The following DDX31 variants were observed in gnomAD, a reference collection of about 807,000 sequenced individuals.
DDX31 encodes DEAD-box helicase 31, also known as ATP-dependent DNA helicase DDX31.
Under a neutral mutation model 91.3 loss-of-function variants are expected in DDX31, and 70 were observed. The ratio of observed to expected loss-of-function variants is 0.77; its 90% CI spans 0.63 to 0.94. The LOEUF (loss-of-function observed/expected upper bound fraction) is 0.94, where lower values mean the gene tolerates loss of function less well. DDX31 is among the 40% of genes least tolerant of loss of function. DDX31 has a pLI of 0.00. For missense variants in DDX31, 902 were observed against 925.0 expected (o/e 0.98, Z 0.32); for synonymous variants, 362 against 350.6 (o/e 1.03, Z -0.36).
intron 17 of DDX31, among the ~76,000 whole-genome samples, chr9:132,623,360 A>T (rs1430315026): frequency 6.6e-6 from 1 of 151,780 alleles, no homozygotes; most frequent in East Asian, 2.0e-4. Context: ...GATTGAGACC[A>T]TCCTGGCCAA....
At position 132,618,448 on chromosome 9, in the gene DDX31, G is replaced by A. The variant is rs1366190808; in HGVS notation, c.1714-7C>T. The A allele has an allele frequency of 1.2e-6, 2 of 1,606,906 alleles. No homozygotes were observed. Among genetic ancestry groups the A allele is most frequent in the Non-Finnish European group, 1.7e-6 (2 of 1,176,482 alleles). On this transcript the variant is annotated splice_polypyrimidine_tract_variant and splice_region_variant and intron_variant, in intron 17 of 19. Transcript: ENST00000372159. ...GGCCAACAGCATGGGATTTCTGAGA[G>A]GGCGACGGAAGGATTAAAGGAGAGA...
At chr9:132,640,157 T>C (rs306534) in intron 14 of DDX31, among the ~76,000 whole-genome samples, 71,565 of 152,070 alleles carry the variant, frequency 0.47, 17,549 homozygotes, top group African/African-American at 0.59. Context: ...GCAGACCAGG[T>C]GGGATGATCA....
chr9:132,649,850 G>A (rs2130785052), intron 9 of DDX31, among the ~76,000 whole-genome samples: 1 of 152,320 alleles, frequency 6.6e-6, no homozygotes, highest in South Asian at 2.1e-4. Flanking sequence ...AAGTTACAAA[G>A]CATTATATAA....
chr9:132,637,989 T>C (rs907580749), intron 14 of DDX31: 35 of 1,046,426 alleles, frequency 3.3e-5, no homozygotes, highest in Middle Eastern at 4.4e-4. Context: ...AATTAAGAAC[T>C]GCACAGACAG....
intron 19 of DDX31, among the ~76,000 whole-genome samples, chr9:132,597,791 A>G (rs985267622): frequency 1.3e-5 from 2 of 152,152 alleles, no homozygotes; most frequent in African/African-American, 4.8e-5. Flanking sequence ...CCACTTCTAC[A>G]GCTCCTCCAG....
chr9:132,660,959 C>T lies in DDX31; in HGVS notation c.452+249G>A, dbSNP rs532165108. 2.0e-4 allele frequency: 97 copies of T among 490,622 alleles called. 1 individual carries two copies. The highest frequency in any genetic ancestry group is 1.7e-3 in the South Asian group (58 of 33,938). 30.4% of individuals were successfully genotyped at this position (490,622 alleles called of 1,614,324 possible). A position where few individuals can be genotyped will look rare whatever the true frequency, so the allele number is the denominator to read the frequency against. On this transcript the variant is annotated intron_variant, in intron 4 of 19. Transcript: ENST00000372159. ...AGCACAGAAAACAGCGGCGCTCATG[C>T]AGCCCACCTTCTGGATGAGACGTCT...
At chr9:132,604,454 T>C (rs534082608) in intron 19 of DDX31, among the ~76,000 whole-genome samples, 153 of 152,302 alleles carry the variant, frequency 1.0e-3, no homozygotes, top group African/African-American at 3.6e-3. Context: ...GCCCAGGTTC[T>C]ACATAAAAAA....
chr9:132,610,448 G>A (rs1831259918), intron 19 of DDX31, among the ~76,000 whole-genome samples: 2 of 152,146 alleles, frequency 1.3e-5, no homozygotes, highest in African/African-American at 4.8e-5. Flanking sequence ...AAAGAATCAA[G>A]CATCTTAAAA....
At chr9:132,625,521 G>T in intron 17 of DDX31, 143 bp downstream of exon 17, 2 of 665,076 alleles carry the variant, frequency 3.0e-6, no homozygotes, top group South Asian at 1.8e-5. Flanking sequence ...AAACAATCAA[G>T]ATTTGGCCTC....
intron 14 of DDX31, chr9:132,637,714 G>C: frequency 3.6e-6 from 2 of 548,706 alleles, no homozygotes; most frequent in Non-Finnish European, 4.6e-6. Flanking sequence ...TGTCAGAGGC[G>C]AGAGATCTTG....
chr9:132,618,465 A>C lies in DDX31; in HGVS notation c.1714-24T>G. On this transcript the variant is annotated intron_variant, in intron 17 of 19. Coordinates refer to ENST00000372159, the MANE Select transcript of DDX31 (RefSeq NM_022779.9). ...TTCTGAGAGGGCGACGGAAGGATTA[A>C]AGGAGAGATAGAGTCAAGGTCAGGA... The C allele has an allele frequency of 1.9e-6, 3 of 1,593,878 alleles. No homozygotes were observed. In the South Asian group the frequency reaches 3.4e-5, roughly 18 times the overall value.
chr9:132,618,602 A>G (rs966580263), intron 17 of DDX31, among the ~76,000 whole-genome samples, 161 bp from the exon 18 acceptor site: 2 of 152,188 alleles, frequency 1.3e-5, no homozygotes, highest in Non-Finnish European at 2.9e-5. Flanking sequence ...AGCTATAGAG[A>G]TGTCAAAGTC....
intron 1 of DDX31, 99 bp downstream of exon 1, chr9:132,669,760 GA>G (rs1835606393): frequency 1.3e-6 from 2 of 1,523,314 alleles, no homozygotes; most frequent in East Asian, 4.9e-5. Flanking sequence ...TTAACTCCGT[GA>G]ATGACTCGAA....
chr9:132,629,539 C>T (rs1437361920), intron 16 of DDX31, among the ~76,000 whole-genome samples: 1 of 152,194 alleles, frequency 6.6e-6, no homozygotes, highest in Non-Finnish European at 1.5e-5. Flanking sequence ...AGGCTGCCTG[C>T]TAGGATGTTT....
chr9:132,634,528 TGAATAGCATTTTCTAATAAACA>T (rs1227520991), intron 14 of DDX31, among the ~76,000 whole-genome samples: 1 of 150,844 alleles, frequency 6.6e-6, no homozygotes, highest in Non-Finnish European at 1.5e-5. Flanking sequence ...AATTTAATGC[TGAATAGCATTTTCTAATAAACA>T]GTCCATATTC....
At position 132,652,447 on chromosome 9, in the gene DDX31, CCT is replaced by C. The variant is rs766848823; in HGVS notation, c.632_633del (p.Glu211AlafsTer7). The C allele has an allele frequency of 1.3e-5, 21 of 1,614,012 alleles. No individual in the cohort carries two copies. The highest frequency in any genetic ancestry group is 1.7e-5 in the Admixed American group (1 of 60,004). On this transcript the variant is annotated frameshift_variant and splice_region_variant, in exon 7 of 20. Transcript: ENST00000372159. LOFTEE classifies it high-confidence loss of function. ...CTTGTCCCAAAAGGGAGCCTGCTTA[CCT>C]CTCTCGTTGGCACGAGCACCAGGGC... Reference protein sequence around the residue: ...PYALVLVPTRELALQSFDTVQ... With the variant: ...PYALVLVPTRXLALQSFDTVQ...
intron 19 of DDX31, among the ~76,000 whole-genome samples, chr9:132,605,313 G>A (rs1049076645): frequency 2.0e-5 from 3 of 152,124 alleles, no homozygotes; most frequent in Non-Finnish European, 2.9e-5. Context: ...TCTCAAATCT[G>A]AAAACTAATA....
At chr9:132,633,571 G>A (rs1832923894) in intron 14 of DDX31, among the ~76,000 whole-genome samples, 1 of 151,988 alleles carries the variant, frequency 6.6e-6, no homozygotes, top group Non-Finnish European at 1.5e-5. Flanking sequence ...GGAGACTCTA[G>A]GATATATTTT....
At chr9:132,641,907 T>C in intron 14 of DDX31, 97 bp downstream of exon 14, 2 of 1,324,176 alleles carry the variant, frequency 1.5e-6, no homozygotes, top group East Asian at 2.3e-5. Flanking sequence ...CTGGGCCCTG[T>C]AGGACTGACC....
Sources: gnomAD v4.1 joint callset for allele counts (sites outside exome capture counted in the v4.1 genomes callset) on GRCh38, gnomAD v4.1.1 for gene constraint, MANE v1.5 for transcripts, NCBI Gene and HGNC (gene_info 2026-07-23, HGNC 2026-07-21) for gene names.